MAP1B: variants seen among roughly 807,000 people sequenced by gnomAD.
MAP1B encodes the protein microtubule associated protein 1B.
In MAP1B, 12 loss-of-function variants were observed where a neutral mutation model predicts 176.1. The observed-to-expected ratio is 0.07, with a 90% CI of 0.04 to 0.11. The LOEUF is 0.11. MAP1B is among the 10% of genes least tolerant of loss of function. The pLI, the probability that MAP1B is intolerant of heterozygous loss-of-function variation, is 1.00. For missense variants in MAP1B, 2,523 were observed against 2,990.5 expected, an observed-to-expected ratio of 0.84 and a Z score of 3.65; for synonymous variants, 1,044 against 1,135.0, an observed-to-expected ratio of 0.92 and a Z score of 1.61.
intron 1 of MAP1B, among the ~76,000 whole-genome samples, chr5:72,110,736 C>G (rs1745317580): frequency 6.6e-6 from 1 of 152,180 alleles, no homozygotes; most frequent in African/African-American, 2.4e-5. Context: ...CCTGCCTTAA[C>G]TGAGATTCTG....
chr5:72,175,703 G>C (rs554227666), intron 2 of MAP1B, among the ~76,000 whole-genome samples: 4 of 152,178 alleles, frequency 2.6e-5, no homozygotes, highest in African/African-American at 9.7e-5. Flanking sequence ...ACACCGAAGA[G>C]AGGATTTAGA....
At chr5:72,143,744 GGAGAATCT>G (rs1277005581) in intron 2 of MAP1B, among the ~76,000 whole-genome samples, 1 of 152,110 alleles carries the variant, frequency 6.6e-6, no homozygotes, top group Non-Finnish European at 1.5e-5. Flanking sequence ...GGGTACTGAG[GGAGAATCT>G]GTTCCATACC....
chr5:72,126,606 A>G (rs763677623), intron 2 of MAP1B, among the ~76,000 whole-genome samples: 3 of 152,154 alleles, frequency 2.0e-5, no homozygotes, highest in Non-Finnish European at 4.4e-5. Context: ...CAGTTTTTTT[A>G]TTCCATTATT....
rs967270112 is a variant in MAP1B at position 72,205,553 on chromosome 5, TAGAG to T, written c.*325_*328del. 2 of 254,142 alleles carry T rather than the reference TAGAG, an allele frequency of 7.9e-6. No individual in the cohort carries two copies. The highest frequency in any genetic ancestry group is 8.7e-5 in the East Asian group (1 of 11,506). The allele number at this position is 254,142 out of a possible 1,614,324, so 15.7% of individuals were successfully genotyped here. A position where few individuals can be genotyped will look rare whatever the true frequency, so the allele number is the denominator to read the frequency against. On this transcript the variant is annotated 3_prime_UTR_variant, in exon 7 of 7. Transcript: ENST00000296755. ...TTCTGCTAGGTAGAGGCATTTGTCT[TAGAG>T]AGAGAGAGAGCGCGGGAGAGAGTGA... is the stretch of plus-strand genomic sequence containing the variant.
intron 2 of MAP1B, among the ~76,000 whole-genome samples, chr5:72,118,250 AC>A (rs1430969092): frequency 6.6e-6 from 1 of 151,666 alleles, no homozygotes; most frequent in Non-Finnish European, 1.5e-5. Flanking sequence ...GGCTCAAATG[AC>A]CCTCCCACCT....
chr5:72,163,227 CAAAAAAAAAA>C (rs10608907), intron 2 of MAP1B, among the ~76,000 whole-genome samples: 3 of 78,148 alleles, frequency 3.8e-5, no homozygotes, highest in African/African-American at 1.5e-4. Context: ...GACTCCATCT[CAAAAAAAAAA>C]AAAAAAAAAA....
chr5:72,130,843 A>G (rs893868541), intron 2 of MAP1B, among the ~76,000 whole-genome samples: 2 of 152,260 alleles, frequency 1.3e-5, no homozygotes, highest in Non-Finnish European at 1.5e-5. Flanking sequence ...TACAAGTGAA[A>G]AAAGTCATTC....
intron 2 of MAP1B, among the ~76,000 whole-genome samples, chr5:72,134,210 A>G (rs763481930): frequency 1.2e-4 from 18 of 152,366 alleles, no homozygotes; most frequent in Admixed American, 2.0e-4. Context: ...ACTTGGGGAT[A>G]TAAACTTTGT....
intron 1 of MAP1B, among the ~76,000 whole-genome samples, chr5:72,108,825 C>G (rs1381094509): frequency 2.0e-5 from 3 of 152,332 alleles, no homozygotes; most frequent in Non-Finnish European, 4.4e-5. Context: ...GTGGGCAGCT[C>G]TGGTCTCTGC....
chr5:72,124,909 TG>T (rs754559638), intron 2 of MAP1B, among the ~76,000 whole-genome samples: 14 of 152,330 alleles, frequency 9.2e-5, no homozygotes, highest in Admixed American at 2.6e-4. Context: ...GATCCTGAAG[TG>T]TATCCATCAA....
chr5:72,142,719 A>AT (rs1745968332), intron 2 of MAP1B, among the ~76,000 whole-genome samples: 1 of 151,046 alleles, frequency 6.6e-6, no homozygotes, highest in Non-Finnish European at 1.5e-5. Flanking sequence ...ATTCTCCAGC[A>AT]TAAGTTTCAA....
chr5:72,110,432 C>T (rs1302218728), intron 1 of MAP1B, among the ~76,000 whole-genome samples: 2 of 152,224 alleles, frequency 1.3e-5, no homozygotes, highest in Non-Finnish European at 2.9e-5. Context: ...GCTCAAGATG[C>T]AGGCCCTTCC....
At position 72,206,617 on chromosome 5, in the gene MAP1B, A is replaced by G. The variant is rs915852823; in HGVS notation, c.*1378A>G. On this transcript the variant is annotated 3_prime_UTR_variant, in exon 7 of 7. Coordinates refer to ENST00000296755, the MANE Select transcript of MAP1B (RefSeq NM_005909.5). ...TACAGAAGAATTTTTTTTTTAAGAT[A>G]TGTGAGAACTTTTCATAGATGAACT... 2.0e-5 allele frequency: 3 copies of G among 152,416 alleles called. No homozygotes were observed. Among genetic ancestry groups the G allele is most frequent in the Admixed American group, 6.5e-5 (1 of 15,284 alleles). The allele number at this position is 152,416 out of a possible 1,614,324, so 9.4% of individuals were successfully genotyped here.
chr5:72,163,916 C>CTTTTTTTTTCTTTTTTTTTTTT lies in MAP1B; in HGVS notation c.287-19818_287-19817insCTTTTTTTTTTTTTTTTTTTTT, dbSNP rs1746372386. ...TTCTTTTCTTTCTTTCTCTCTCTCT[C>CTTTTTTTTTCTTTTTTTTTTTT]TTTTTTTTTTTTTCTTTTTTTTTTT... On this transcript the variant is annotated intron_variant, in intron 2 of 6. Coordinates refer to ENST00000296755, the MANE Select transcript of MAP1B (RefSeq NM_005909.5). Among the ~76,000 whole-genome samples the CTTTTTTTTTCTTTTTTTTTTTT allele has an allele frequency of 3.1e-5, 3 of 97,100 alleles. 1 individual carries two copies. Among genetic ancestry groups the CTTTTTTTTTCTTTTTTTTTTTT allele is most frequent in the African/African-American group, 4.1e-5 (1 of 24,240 alleles). The allele number at this position is 97,100 out of a possible 152,430, so 63.7% of individuals were successfully genotyped here.
In MAP1B at chr5:72,203,581, C is replaced by T. The variant is rs371612577; in HGVS notation, c.7031C>T (p.Thr2344Met). The change falls in exon 6 of 7, where the codon ACG becomes ATG. Residue 2344 changes from threonine to methionine, a missense_variant. Thr to Met is a moderately conservative substitution (Grantham distance 81, BLOSUM62 -1). Around this residue, in one of 4 missense-constraint regions of MAP1B, gnomAD observed 287 missense variants for 401.5 expected, o/e 0.71. Coordinates refer to ENST00000296755, the MANE Select transcript of MAP1B (RefSeq NM_005909.5). ...TATAGPGTTK[T>M]TKSSAVPPGL... is the part of the protein sequence containing the mutation. ...ACCCAAGGACCAGGAACTACCAAGA[C>T]GACCAAGTCATCTGCTGTGCCCCCA... The T allele has an allele frequency of 2.3e-5, 37 of 1,613,680 alleles. No homozygotes were observed. The highest frequency in any genetic ancestry group is 6.6e-5 in the South Asian group (6 of 91,082).
intron 3 of MAP1B, 37 bp downstream of exon 3, chr5:72,183,862 C>A: frequency 6.3e-7 from 1 of 1,575,792 alleles, no homozygotes; most frequent in Non-Finnish European, 8.7e-7. Context: ...GGGCCGGGCC[C>A]CACACACTGG....
At position 72,143,472 on chromosome 5, in the gene MAP1B, C is replaced by T. The variant is rs551203296; in HGVS notation, c.286+27673C>T. On this transcript the variant is annotated intron_variant, in intron 2 of 6. Coordinates refer to ENST00000296755, the MANE Select transcript of MAP1B (RefSeq NM_005909.5). ...CAGTGTCTTCTTGGAGAGGACGTAT[C>T]GGTTTGCCACCAGACAGAATGATGC... Among the ~76,000 whole-genome samples the T allele has an allele frequency of 7.2e-5, 11 of 152,280 alleles. 1 individual carries two copies. The highest frequency in any genetic ancestry group is 2.6e-4 in the African/African-American group (11 of 41,556).
At chr5:72,110,933 T>C (rs1308894190) in intron 1 of MAP1B, among the ~76,000 whole-genome samples, 1 of 152,234 alleles carries the variant, frequency 6.6e-6, no homozygotes, top group Non-Finnish European at 1.5e-5. Flanking sequence ...ATGGTCCCTC[T>C]TGCTTTCTCA....
At chr5:72,122,545 A>C (rs1745548964) in intron 2 of MAP1B, among the ~76,000 whole-genome samples, 1 of 152,150 alleles carries the variant, frequency 6.6e-6, no homozygotes. Flanking sequence ...GAAAGGAATA[A>C]AATGGCATTT....
Sources: gnomAD v4.1 joint callset for allele counts (sites outside exome capture counted in the v4.1 genomes callset) on GRCh38, gnomAD v4.1.1 for gene constraint, gnomAD v4.1.1 regional missense constraint, MANE v1.5 for transcripts, NCBI Gene and HGNC (gene_info 2026-07-23, HGNC 2026-07-21) for gene names.